The following ACVR1B variants were observed in gnomAD, a reference collection of about 807,000 sequenced individuals.
ACVR1B encodes activin A receptor type 1B, also known as activin receptor type-1B.
ACVR1B carries 15 observed loss-of-function variants against 55.6 expected under a neutral mutation model. The observed-to-expected ratio is 0.27, with a 90% CI of 0.18 to 0.42. The LOEUF (loss-of-function observed/expected upper bound fraction) is 0.42. Ranked by LOEUF, ACVR1B falls within the 10% of genes least tolerant of loss-of-function variation. The pLI, the probability that ACVR1B is intolerant of heterozygous loss-of-function variation, is 1.00. For synonymous variants in ACVR1B, 247 were observed against 254.6 expected (o/e 0.97, Z 0.28); for missense variants, 359 against 670.1 (o/e 0.54, Z 5.13).
chr12:51,983,803 G>A (rs529046283), intron 4 of ACVR1B, among the ~76,000 whole-genome samples, 196 bp from the exon 5 acceptor site: 2 of 152,294 alleles, frequency 1.3e-5, no homozygotes, highest in Admixed American at 1.3e-4. Context: ...GTGTTCCCCT[G>A]TCCTTACTGA....
intron 3 of ACVR1B, among the ~76,000 whole-genome samples, chr12:51,978,818 AGACTC>A (rs1283462279): frequency 7.1e-6 from 1 of 141,086 alleles, no homozygotes; most frequent in Non-Finnish European, 1.5e-5. Flanking sequence ...CAACAGAGCG[AGACTC>A]CGTCTCAAAA....
intron 1 of ACVR1B, among the ~76,000 whole-genome samples, chr12:51,970,019 A>C (rs1941717253): frequency 6.6e-6 from 1 of 152,212 alleles, no homozygotes; most frequent in Admixed American, 6.5e-5. Flanking sequence ...TTCCAGTGGC[A>C]TTGTTATCCC....
In ACVR1B at chr12:51,995,906, T is replaced by C. The variant is rs1942288598; in HGVS notation, c.*1796T>C. The C allele has an allele frequency of 6.6e-6, 1 of 152,666 alleles. No individual in the cohort carries two copies. Among genetic ancestry groups the C allele is most frequent in the Admixed American group, 6.5e-5 (1 of 15,276 alleles). The allele number at this position is 152,666 out of a possible 1,614,324, so 9.5% of individuals were successfully genotyped here. A position where few individuals can be genotyped will look rare whatever the true frequency, so the allele number is the denominator to read the frequency against. On this transcript the variant is annotated 3_prime_UTR_variant, in exon 9 of 9. Transcript: ENST00000257963. ...GCTGGTTGTACCCTCTCCAGGCATT[T>C]ATTCAACAAATGTGGGTGAAGTGCC...
rs2082370481 is a variant in ACVR1B, at chr12:51,987,250, G to A, written c.1261+308G>A. 3 of 627,710 alleles carry A rather than the reference G, an allele frequency of 4.8e-6. 1 individual carries two copies. The highest frequency in any genetic ancestry group is 2.9e-6 in the Non-Finnish European group (1 of 346,720). 38.9% of individuals were successfully genotyped at this position (627,710 alleles called of 1,614,324 possible). A position where few individuals can be genotyped will look rare whatever the true frequency, so the allele number is the denominator to read the frequency against. ...GGGAGTGCCCCGGTGCGCATAGCAC[G>A]GGATTCATGCAGTGGTCTCCTTCAC... On this transcript the variant is annotated intron_variant, in intron 7 of 8. Transcript: ENST00000257963.
intron 7 of ACVR1B, among the ~76,000 whole-genome samples, chr12:51,990,568 G>A (rs894168767): frequency 5.3e-5 from 8 of 151,822 alleles, no homozygotes; most frequent in African/African-American, 1.5e-4. Context: ...CTTCCACCTC[G>A]GCCTCCCAAA....
chr12:51,986,622 A>G (rs1234696709), intron 6 of ACVR1B, among the ~76,000 whole-genome samples, 196 bp from the exon 7 acceptor site: 1 of 152,230 alleles, frequency 6.6e-6, no homozygotes, highest in Non-Finnish European at 1.5e-5. Flanking sequence ...GTATTGCCAA[A>G]TCTGTGCTGA....
At chr12:51,951,909 T>A in intron 1 of ACVR1B, 75 bp downstream of exon 1, 2 of 942,546 alleles carry the variant, frequency 2.1e-6, no homozygotes, top group Non-Finnish European at 2.8e-6. Context: ...CCGCGGCCGC[T>A]GGACTACAGC....
At chr12:51,985,606 A>G (rs1942061603) in intron 6 of ACVR1B, among the ~76,000 whole-genome samples, 1 of 152,236 alleles carries the variant, frequency 6.6e-6, no homozygotes, top group African/African-American at 2.4e-5. Flanking sequence ...GTCGGAGGGT[A>G]GAGAAGGACA....
intron 1 of ACVR1B, among the ~76,000 whole-genome samples, chr12:51,961,317 T>C (rs1941522145): frequency 6.6e-6 from 1 of 152,230 alleles, no homozygotes; most frequent in Non-Finnish European, 1.5e-5. Context: ...AATTCATTTC[T>C]TTTCCATCCT....
Position 51,976,411 on chromosome 12 carries a change from T to G in ACVR1B, c.416T>G (p.Phe139Cys). 6.2e-7 allele frequency: 1 copy of G among 1,614,198 alleles called. No homozygotes were observed. The highest frequency in any genetic ancestry group is 8.5e-7 in the Non-Finnish European group (1 of 1,180,038). ...ATCGCCGGCCCGGTGTTCCTCCTGT[T>G]CCTCATCATCATCATTGTTTTCCTT... ...GIIAGPVFLL[F>C]LIIIIVFLVI... Residue 139 changes from phenylalanine (F) to cysteine (C), a missense_variant, in exon 3 of 9, where the codon TTC becomes TGC. Coordinates refer to ENST00000257963, the MANE Select transcript of ACVR1B (RefSeq NM_004302.5).
intron 1 of ACVR1B, among the ~76,000 whole-genome samples, chr12:51,966,129 C>T (rs1259162106): frequency 6.6e-6 from 1 of 152,062 alleles, no homozygotes; most frequent in African/African-American, 2.4e-5. Context: ...AGTTCTGTGC[C>T]TTGTGAGGGA....
At chr12:51,970,380 C>T (rs1289375115) in intron 1 of ACVR1B, among the ~76,000 whole-genome samples, 1 of 152,186 alleles carries the variant, frequency 6.6e-6, no homozygotes, top group African/African-American at 2.4e-5. Flanking sequence ...GCTTTACTAT[C>T]CATAAAGTGA....
chr12:51,985,399 C>G (rs1487297561), intron 6 of ACVR1B, 51 bp downstream of exon 6: 4 of 1,549,614 alleles, frequency 2.6e-6, no homozygotes, highest in Middle Eastern at 3.9e-4. Flanking sequence ...ACTGAGTATC[C>G]CATCTGTGCC....
chr12:51,951,952 G>T lies in ACVR1B; in HGVS notation c.91+118G>T, dbSNP rs1941305545. The T allele has an allele frequency of 1.5e-5, 8 of 537,626 alleles. No homozygotes were observed. The South Asian group carries it at 7.5e-4, about 50-fold the overall frequency. The allele number at this position is 537,626 out of a possible 1,614,324, so 33.3% of individuals were successfully genotyped here. ...CTCCCCACGAGCACAATATGGCCGGGTGGGGGGCGCAGAGGAGTCGGGGTG... is the reference window on the plus strand; with the variant it reads ...CTCCCCACGAGCACAATATGGCCGGTTGGGGGGCGCAGAGGAGTCGGGGTG... On this transcript the variant is annotated intron_variant, in intron 1 of 8. Coordinates refer to ENST00000257963, the MANE Select transcript of ACVR1B (RefSeq NM_004302.5).
At chr12:51,965,135 C>G (rs1175706455) in intron 1 of ACVR1B, among the ~76,000 whole-genome samples, 1 of 152,088 alleles carries the variant, frequency 6.6e-6, no homozygotes, top group Non-Finnish European at 1.5e-5. Context: ...TTTTCAGTAT[C>G]AATTTGCAAA....
At position 51,969,250 on chromosome 12, in the gene ACVR1B, C is replaced by A. The variant is rs1941699200; in HGVS notation, c.92-6015C>A. 2.0e-5 allele frequency among the ~76,000 whole-genome samples: 3 copies of A among 152,164 alleles called. No homozygotes were observed. The South Asian group carries it at 6.2e-4, about 32-fold the overall frequency. On this transcript the variant is annotated intron_variant, in intron 1 of 8. Coordinates refer to ENST00000257963, the MANE Select transcript of ACVR1B (RefSeq NM_004302.5). ...GTAATTTGTTATATGGCCATAGTAA[C>A]TGGGACAATGTTATTTTTCTTCCCA...
intron 7 of ACVR1B, among the ~76,000 whole-genome samples, chr12:51,988,656 A>T (rs957536022): frequency 6.6e-6 from 1 of 152,248 alleles, no homozygotes; most frequent in Admixed American, 6.5e-5. Context: ...AGGTGCTATT[A>T]TCATCGCCAT....
intron 4 of ACVR1B, among the ~76,000 whole-genome samples, chr12:51,981,809 A>G (rs1941985140): frequency 6.6e-6 from 1 of 151,502 alleles, no homozygotes; most frequent in Non-Finnish European, 1.5e-5. Flanking sequence ...AGGTCGCGCC[A>G]CTGCACTCCA....
intron 1 of ACVR1B, among the ~76,000 whole-genome samples, chr12:51,966,836 A>G (rs1420057989): frequency 6.6e-6 from 1 of 152,244 alleles, no homozygotes; most frequent in Admixed American, 6.5e-5. Flanking sequence ...TATTAAGGCT[A>G]TTATTGTCAG....
Sources: allele counts gnomAD v4.1 joint callset (sites outside exome capture counted in the v4.1 genomes callset), GRCh38; gene constraint gnomAD v4.1.1; transcripts MANE v1.5; gene names NCBI Gene and HGNC (gene_info 2026-07-23, HGNC 2026-07-21).